The following CD47 variants were observed in gnomAD, a reference collection of about 807,000 sequenced individuals.
CD47 encodes the protein leukocyte surface antigen CD47.
Under a neutral mutation model 44.6 loss-of-function variants are expected in CD47, and 11 were observed. The observed-to-expected ratio is 0.25, with a 90% CI of 0.16 to 0.41. CD47 has a LOEUF of 0.41. Among genes scored for constraint, CD47 ranks in the 10% least tolerant of loss-of-function variants. CD47 has a pLI of 1.00. For missense variants in CD47, 306 were observed against 386.7 expected, an observed-to-expected ratio of 0.79 and a Z score of 1.75; for synonymous variants, 140 against 136.3, an observed-to-expected ratio of 1.03 and a Z score of -0.19.
chr3:108,089,399 C>T (rs1353552580), intron 1 of CD47, among the ~76,000 whole-genome samples: 1 of 152,130 alleles, frequency 6.6e-6, no homozygotes, highest in Non-Finnish European at 1.5e-5. Context: ...TTCTAAACTA[C>T]GTGATTTAAA....
chr3:108,069,997 T>C (rs1401941739), intron 3 of CD47, among the ~76,000 whole-genome samples: 2 of 152,200 alleles, frequency 1.3e-5, no homozygotes, highest in Admixed American at 1.3e-4. Context: ...CACCCCTTTC[T>C]TCCCCCTTTT....
At position 108,058,375 on chromosome 3, in the gene CD47, T is replaced by G. The variant is rs755738494; in HGVS notation, c.746A>C (p.Tyr249Ser). 12 of 1,567,116 alleles carry G rather than the reference T, an allele frequency of 7.7e-6. No individual in the cohort carries two copies. In the South Asian group the frequency reaches 1.3e-4, roughly 17 times the overall value. The stretch of plus-strand genomic sequence containing the variant: ...ACTCAGTCCAACCACAGCGAGGATA[T>G]AGGCTATCACCTGAATAACCAATAT... ...IAILVIQVIA[Y>S]ILAVVGLSLC... The change falls in exon 6 of 11, where the codon TAT becomes TCT. Residue 249 changes from tyrosine (Y) to serine (S), a missense_variant. Around this residue, in one of 5 missense-constraint regions of CD47, gnomAD observed 131 missense variants for 135.3 expected, o/e 0.97. Transcript: ENST00000361309.
chr3:108,059,077 T>C (rs1228927399), intron 5 of CD47, among the ~76,000 whole-genome samples: 1 of 152,214 alleles, frequency 6.6e-6, no homozygotes, highest in African/African-American at 2.4e-5. Flanking sequence ...AATTCCATTT[T>C]ATAGAACCAG....
intron 8 of CD47, chr3:108,050,848 C>T: frequency 2.2e-6 from 1 of 459,096 alleles, no homozygotes. Flanking sequence ...CAGAATTTCC[C>T]ACTTCACCAC....
intron 7 of CD47, among the ~76,000 whole-genome samples, chr3:108,056,493 T>C (rs1345404898): frequency 6.6e-6 from 1 of 152,200 alleles, no homozygotes; most frequent in African/African-American, 2.4e-5. Flanking sequence ...TATTTGACTA[T>C]AACAATTCAA....
intron 3 of CD47, among the ~76,000 whole-genome samples, chr3:108,066,822 C>T (rs770257733): frequency 2.6e-5 from 4 of 151,970 alleles, no homozygotes; most frequent in Non-Finnish European, 5.9e-5. Context: ...AAGAACTCAG[C>T]GAAGGTGGAC....
Position 108,055,439 on chromosome 3 carries a change from T to C in CD47, c.877+2038A>G, listed in dbSNP as rs1336337672. 3.9e-6 allele frequency: 3 copies of C among 776,450 alleles called. No homozygotes were observed. In the African/African-American group the frequency reaches 5.5e-5, roughly 14 times the overall value. 48.1% of individuals were successfully genotyped at this position (776,450 alleles called of 1,614,324 possible). On this transcript the variant is annotated intron_variant, in intron 7 of 10. Coordinates refer to ENST00000361309, the MANE Select transcript of CD47 (RefSeq NM_001777.4). ...CCTTAATGTTACATAGATTCAGATT[T>C]ACACAGTCAGATTATATAAGCAAAC... is the stretch of plus-strand genomic sequence containing the variant.
At chr3:108,061,309 G>C (rs566898749) in intron 3 of CD47, among the ~76,000 whole-genome samples, 86 of 151,288 alleles carry the variant, frequency 5.7e-4, no homozygotes, top group African/African-American at 2.0e-3. Context: ...ACCACTCCAA[G>C]TGACAACACA....
At chr3:108,056,983 T>A (rs903332439) in intron 7 of CD47, among the ~76,000 whole-genome samples, 2 of 152,176 alleles carry the variant, frequency 1.3e-5, no homozygotes, top group East Asian at 3.8e-4. Context: ...ACAAAATTGA[T>A]AGATTGTGAA....
rs780352146 is a variant in CD47, at chr3:108,071,135, T to C, written c.448A>G (p.Ile150Val). Reference protein sequence around the residue: ...NENILIVIFPIFAILLFWGQF... With the variant: ...NENILIVIFPVFAILLFWGQF... ...CCCCAGAACAGGAGTATAGCAAAAATTGGGAAAATAACAATAAGAATATTT... is the reference window on the plus strand; with the variant it reads ...CCCCAGAACAGGAGTATAGCAAAAACTGGGAAAATAACAATAAGAATATTT... The change falls in exon 3 of 11, where the codon ATT becomes GTT. Residue 150 changes from isoleucine (I) to valine (V), a missense_variant. Transcript: ENST00000361309. The C allele has an allele frequency of 6.0e-6, 9 of 1,506,876 alleles. No homozygotes were observed. The highest frequency in any genetic ancestry group is 8.2e-6 in the Non-Finnish European group (9 of 1,099,998). 93.3% of individuals were successfully genotyped at this position (1,506,876 alleles called of 1,614,324 possible).
chr3:108,051,763 C>G lies in CD47; in HGVS notation c.909+176G>C, dbSNP rs542344343. On this transcript the variant is annotated intron_variant, in intron 8 of 10. Coordinates refer to ENST00000361309, the MANE Select transcript of CD47 (RefSeq NM_001777.4). The stretch of plus-strand genomic sequence containing the variant: ...TCCATCCCATTGACACTAAAATGAC[C>G]AAACACAGGTTTTAAAATAGAACTG... 49 of 691,798 alleles carry G rather than the reference C, an allele frequency of 7.1e-5. No homozygotes were observed. The East Asian group carries it at 1.2e-3, about 17-fold the overall frequency. 42.9% of individuals were successfully genotyped at this position (691,798 alleles called of 1,614,324 possible). A position where few individuals can be genotyped will look rare whatever the true frequency, so the allele number is the denominator to read the frequency against.
intron 2 of CD47, among the ~76,000 whole-genome samples, chr3:108,072,155 A>C (rs975046793): frequency 6.6e-6 from 1 of 152,214 alleles, no homozygotes; most frequent in East Asian, 1.9e-4. Flanking sequence ...CTGCTCTAAC[A>C]ATAAAGCCAA....
At chr3:108,047,434 C>A (rs2078738133) in intron 10 of CD47, 142 bp from the exon 11 acceptor site, 1 of 487,404 alleles carries the variant, frequency 2.1e-6, no homozygotes, top group Non-Finnish European at 3.5e-6. Context: ...AGACAGAAAC[C>A]AGGCAAATCA....
intron 2 of CD47, among the ~76,000 whole-genome samples, chr3:108,074,272 C>CA (rs1235518418): frequency 2.6e-5 from 4 of 152,012 alleles, no homozygotes; most frequent in African/African-American, 9.7e-5. Context: ...ATTTCAATGA[C>CA]AGAGAGGAAG....
At chr3:108,067,992 G>A (rs1380055797) in intron 3 of CD47, among the ~76,000 whole-genome samples, 1 of 152,172 alleles carries the variant, frequency 6.6e-6, no homozygotes, top group Non-Finnish European at 1.5e-5. Flanking sequence ...GGACCACAAA[G>A]ACTCACATGC....
intron 6 of CD47, among the ~76,000 whole-genome samples, chr3:108,058,036 T>C (rs2078942715): frequency 6.6e-6 from 1 of 152,140 alleles, no homozygotes; most frequent in Admixed American, 6.5e-5. Flanking sequence ...TTATTGGTGG[T>C]GATAATACAA....
chr3:108,080,457 T>C, intron 1 of CD47, 113 bp from the exon 2 acceptor site: 1 of 620,036 alleles, frequency 1.6e-6, no homozygotes, highest in South Asian at 2.1e-5. Context: ...TTCACTTAAG[T>C]AAACAGTATA....
chr3:108,069,167 A>T (rs1577003546), intron 3 of CD47, among the ~76,000 whole-genome samples: 1 of 152,354 alleles, frequency 6.6e-6, no homozygotes, highest in Middle Eastern at 3.4e-3. Flanking sequence ...GCCAGTATGT[A>T]TCTAGAGTCT....
chr3:108,089,043 C>T (rs2079577208), intron 1 of CD47, among the ~76,000 whole-genome samples: 1 of 152,202 alleles, frequency 6.6e-6, no homozygotes, highest in Admixed American at 6.5e-5. Flanking sequence ...TAAAGTCAGT[C>T]TCTCAAACCC....
Sources: gnomAD v4.1 joint callset for allele counts (sites outside exome capture counted in the v4.1 genomes callset) on GRCh38, gnomAD v4.1.1 for gene constraint, gnomAD v4.1.1 regional missense constraint, MANE v1.5 for transcripts, NCBI Gene and HGNC (gene_info 2026-07-23, HGNC 2026-07-21) for gene names.